The following SEL1L variants were observed in gnomAD, a reference collection of about 807,000 sequenced individuals.
SEL1L encodes protein sel-1 homolog 1.
Under a neutral mutation model 109.8 loss-of-function variants are expected in SEL1L, and 52 were observed. The observed-to-expected ratio is 0.47, with a 90% CI of 0.38 to 0.60. The LOEUF (loss-of-function observed/expected upper bound fraction) is 0.60, where lower values mean the gene tolerates loss of function less well. Ranked by LOEUF, SEL1L falls within the 20% of genes least tolerant of loss-of-function variation. The pLI is 0.00. For synonymous variants in SEL1L, 373 were observed against 339.6 expected (o/e 1.10, Z -1.08); for missense variants, 749 against 962.2 (o/e 0.78, Z 2.93).
intron 20 of SEL1L, among the ~76,000 whole-genome samples, chr14:81,478,259 T>C (rs748509328): frequency 2.0e-5 from 3 of 152,142 alleles, no homozygotes; most frequent in Admixed American, 6.5e-5. Flanking sequence ...ACTAATTGTG[T>C]TCTCTGGGGA....
chr14:81,499,132 T>A lies in SEL1L; in HGVS notation c.891+327A>T, dbSNP rs563800260. The stretch of plus-strand genomic sequence containing the variant: ...TTTTGAAAAACTAAAGAAAAATTTT[T>A]AAAATTATGATAATCTAATGTAAAA... On this transcript the variant is annotated intron_variant, in intron 8 of 20. Transcript: ENST00000336735. 11 of 1,029,082 alleles carry A rather than the reference T, an allele frequency of 1.1e-5. No homozygotes were observed. The South Asian group carries it at 5.1e-4, about 48-fold the overall frequency. 63.7% of individuals were successfully genotyped at this position (1,029,082 alleles called of 1,614,324 possible).
Position 81,473,112 on chromosome 14 carries a change from G to C in SEL1L, c.*3860C>G, listed in dbSNP as rs1490000508. 6.6e-6 allele frequency: 1 copy of C among 152,230 alleles called. No individual in the cohort carries two copies. Among genetic ancestry groups the C allele is most frequent in the Non-Finnish European group, 1.5e-5 (1 of 68,082 alleles). 9.4% of individuals were successfully genotyped at this position (152,230 alleles called of 1,614,324 possible). On this transcript the variant is annotated 3_prime_UTR_variant, in exon 21 of 21. Transcript: ENST00000336735. ...GTGTTCCTTCACAATGCCAGCTTAA[G>C]GTCTTTTAAAACTTCCTCTTCTACA...
At chr14:81,517,128 G>C (rs1884731262) in intron 3 of SEL1L, among the ~76,000 whole-genome samples, 1 of 152,190 alleles carries the variant, frequency 6.6e-6, no homozygotes. Context: ...TCTGGGGCCT[G>C]AGTGGTCATG....
chr14:81,481,608 T>C (rs1325008663), intron 19 of SEL1L, among the ~76,000 whole-genome samples: 1 of 152,226 alleles, frequency 6.6e-6, no homozygotes, highest in African/African-American at 2.4e-5. Flanking sequence ...ATGATGATTT[T>C]TTCCAATTAT....
At chr14:81,513,358 C>G (rs1305143236) in intron 3 of SEL1L, among the ~76,000 whole-genome samples, 3 of 152,172 alleles carry the variant, frequency 2.0e-5, no homozygotes, top group Non-Finnish European at 4.4e-5. Flanking sequence ...CTCTTTGGGT[C>G]CGCACTACCT....
Position 81,479,541 on chromosome 14 carries a change from T to C in SEL1L, c.2175+71A>G, listed in dbSNP as rs185519035. The C allele has an allele frequency of 8.2e-5, 123 of 1,496,322 alleles. 1 individual carries two copies. The highest frequency in any genetic ancestry group is 3.3e-4 in the South Asian group (25 of 76,804). 92.7% of individuals were successfully genotyped at this position (1,496,322 alleles called of 1,614,324 possible). A position where few individuals can be genotyped will look rare whatever the true frequency, so the allele number is the denominator to read the frequency against. ...CACTCTTCCCTGTGCTTCTCAACTTTTGAAAAACAAACCTCCAGGACAGAC... is the reference window on the plus strand; with the variant it reads ...CACTCTTCCCTGTGCTTCTCAACTTCTGAAAAACAAACCTCCAGGACAGAC... On this transcript the variant is annotated intron_variant, in intron 20 of 20. Coordinates refer to ENST00000336735, the MANE Select transcript of SEL1L (RefSeq NM_005065.6).
At chr14:81,525,807 A>AACATGC (rs1408977762) in intron 3 of SEL1L, among the ~76,000 whole-genome samples, 14 of 152,312 alleles carry the variant, frequency 9.2e-5, no homozygotes, top group African/African-American at 1.4e-4. Context: ...ATTCATGGTA[A>AACATGC]ACTGTTAAGT....
intron 3 of SEL1L, among the ~76,000 whole-genome samples, chr14:81,506,957 G>GA (rs1161727519): frequency 6.6e-6 from 1 of 152,204 alleles, no homozygotes; most frequent in Admixed American, 6.5e-5. Flanking sequence ...GGATGCTATG[G>GA]AAAGGAAAGC....
chr14:81,515,959 A>G (rs1317023470), intron 3 of SEL1L, among the ~76,000 whole-genome samples: 2 of 152,154 alleles, frequency 1.3e-5, no homozygotes, highest in African/African-American at 2.4e-5. Flanking sequence ...GGTGGTTCAA[A>G]GAGGACAGAA....
chr14:81,498,148 G>A lies in SEL1L; in HGVS notation c.974-102C>T, dbSNP rs919244201. 1.7e-5 allele frequency: 20 copies of A among 1,200,182 alleles called. No homozygotes were observed. In the Admixed American group the frequency reaches 4.1e-4, roughly 25 times the overall value. The allele number at this position is 1,200,182 out of a possible 1,614,324, so 74.3% of individuals were successfully genotyped here. A position where few individuals can be genotyped will look rare whatever the true frequency, so the allele number is the denominator to read the frequency against. On this transcript the variant is annotated intron_variant, in intron 9 of 20. Transcript: ENST00000336735. ...GCTGCCAAACGTTGACGAACACATTGTTAAAGGAAGCTGTTTTTACAGTAG... is the reference window on the plus strand; with the variant it reads ...GCTGCCAAACGTTGACGAACACATTATTAAAGGAAGCTGTTTTTACAGTAG...
chr14:81,497,380 G>T (rs985797678), intron 10 of SEL1L, among the ~76,000 whole-genome samples: 28 of 152,252 alleles, frequency 1.8e-4, no homozygotes, highest in African/African-American at 6.5e-4. Flanking sequence ...GTGCACACAT[G>T]GTACTTTGAC....
At chr14:81,478,293 G>A (rs1903232663) in intron 20 of SEL1L, among the ~76,000 whole-genome samples, 1 of 152,046 alleles carries the variant, frequency 6.6e-6, no homozygotes, top group Non-Finnish European at 1.5e-5. Context: ...GGAGATTTGT[G>A]TTCTTCTGTA....
chr14:81,528,008 C>T (rs1435772049), intron 1 of SEL1L, among the ~76,000 whole-genome samples: 1 of 152,122 alleles, frequency 6.6e-6, no homozygotes, highest in Non-Finnish European at 1.5e-5. Flanking sequence ...ACAGCCTCCA[C>T]CAACAAAAAC....
At chr14:81,485,828 T>C (rs1903504454) in intron 17 of SEL1L, 82 bp from the exon 18 acceptor site, 2 of 1,079,444 alleles carry the variant, frequency 1.9e-6, no homozygotes, top group Admixed American at 1.9e-5. Context: ...GTAGGAAGGA[T>C]AGGTGAAGCA....
intron 16 of SEL1L, 50 bp from the exon 17 acceptor site, chr14:81,486,504 A>G (rs776330508): frequency 6.3e-7 from 1 of 1,579,724 alleles, no homozygotes; most frequent in South Asian, 1.1e-5. Flanking sequence ...TAAGAAAGAT[A>G]TACCAGAAAA....
At chr14:81,533,380 T>A (rs1205664590) in intron 1 of SEL1L, among the ~76,000 whole-genome samples, 3 of 152,184 alleles carry the variant, frequency 2.0e-5, no homozygotes, top group Non-Finnish European at 1.5e-5. Flanking sequence ...GGCTCCTGTA[T>A]CAGGATTCAT....
In SEL1L at chr14:81,533,424, G is replaced by C. The variant is rs60853415; in HGVS notation, c.70+251C>G. ...AGTCAATTCCGCGTTCGTGAGAAGAGTCGCGCAAAGTTTGTTACGTGGGAG... is the reference window on the plus strand; with the variant it reads ...AGTCAATTCCGCGTTCGTGAGAAGACTCGCGCAAAGTTTGTTACGTGGGAG... On this transcript the variant is annotated intron_variant, in intron 1 of 20. Coordinates refer to ENST00000336735, the MANE Select transcript of SEL1L (RefSeq NM_005065.6). 6.0e-3 allele frequency among the ~76,000 whole-genome samples: 915 copies of C among 152,352 alleles called. 10 individuals carry two copies. Among genetic ancestry groups the C allele is most frequent in the African/African-American group, 0.021 (867 of 41,578 alleles).
rs1007962823 is a variant in SEL1L at position 81,487,591 on chromosome 14, T to C, written c.1484-53A>G. 7.6e-6 allele frequency: 12 copies of C among 1,569,578 alleles called. No individual in the cohort carries two copies. The Admixed American group carries it at 2.1e-4, about 27-fold the overall frequency. The stretch of plus-strand genomic sequence containing the variant: ...ATAATAGACTTAAGATTTAGCTAAG[T>C]ATCAGAGAAGGCTTATATATGAAGA... On this transcript the variant is annotated intron_variant, in intron 15 of 20. Coordinates refer to ENST00000336735, the MANE Select transcript of SEL1L (RefSeq NM_005065.6).
At chr14:81,503,037 G>A (rs569890874) in intron 5 of SEL1L, among the ~76,000 whole-genome samples, 154 bp from the exon 6 acceptor site, 5 of 152,114 alleles carry the variant, frequency 3.3e-5, no homozygotes, top group Non-Finnish European at 7.4e-5. Context: ...TTGTTGTCCC[G>A]GCTGGAGTGC....
Sources: gnomAD v4.1 joint callset for allele counts (sites outside exome capture counted in the v4.1 genomes callset) on GRCh38, gnomAD v4.1.1 for gene constraint, MANE v1.5 for transcripts, NCBI Gene and HGNC (gene_info 2026-07-23, HGNC 2026-07-21) for gene names.